The following PSME3IP1 variants were observed in gnomAD, a reference collection of about 807,000 sequenced individuals.
PSME3IP1 encodes proteasome activator subunit 3 interacting protein 1, also known as PSME3-interacting protein.
PSME3IP1 carries 13 observed loss-of-function variants against 34.1 expected under a neutral mutation model. The ratio of observed to expected loss-of-function variants is 0.38; its 90% CI spans 0.25 to 0.61. PSME3IP1 has a LOEUF of 0.61. Among genes scored for constraint, PSME3IP1 ranks in the 20% least tolerant of loss-of-function variants. The pLI, the probability that PSME3IP1 is intolerant of heterozygous loss-of-function variation, is 0.60. For missense variants in PSME3IP1, 237 were observed against 301.4 expected, an observed-to-expected ratio of 0.79 and a Z score of 1.58; for synonymous variants, 93 against 114.3, an observed-to-expected ratio of 0.81 and a Z score of 1.19.
At chr16:57,166,733 G>A (rs1337302841) in intron 5 of PSME3IP1, among the ~76,000 whole-genome samples, 1 of 152,188 alleles carries the variant, frequency 6.6e-6, no homozygotes, top group Non-Finnish European at 1.5e-5. Flanking sequence ...GCACAAAGAA[G>A]GGTCTCAACC....
intron 6 of PSME3IP1, among the ~76,000 whole-genome samples, chr16:57,161,176 T>C (rs970362870): frequency 1.3e-5 from 2 of 152,194 alleles, no homozygotes; most frequent in Non-Finnish European, 2.9e-5. Context: ...AAAATTCATA[T>C]GGAAATTCGA....
intron 3 of PSME3IP1, 56 bp downstream of exon 3, chr16:57,172,720 A>G (rs764360207): frequency 7.7e-7 from 1 of 1,292,006 alleles, no homozygotes; most frequent in East Asian, 2.3e-5. Context: ...ACAAGGCAAA[A>G]GTGCGTCAAA....
Position 57,185,906 on chromosome 16 carries a change from G to GA in PSME3IP1, c.-102dup, listed in dbSNP as rs11383644. On this transcript the variant is annotated 5_prime_UTR_variant, in exon 1 of 7. Coordinates refer to ENST00000309137, the MANE Select transcript of PSME3IP1 (RefSeq NM_024946.4). ...CGCAGAGCCGCTCGCTCTTAAAAAA[G>GA]AAAAAAAAATGAAAGGAAGAAAGAA... 2.3e-3 allele frequency: 2,132 copies of GA among 919,052 alleles called. 30 individuals are homozygous for GA. In the African/African-American group the frequency reaches 0.048, roughly 21 times the overall value. The allele number at this position is 919,052 out of a possible 1,614,324, so 56.9% of individuals were successfully genotyped here. A position where few individuals can be genotyped will look rare whatever the true frequency, so the allele number is the denominator to read the frequency against.
chr16:57,173,396 G>A (rs1215528276), intron 2 of PSME3IP1, among the ~76,000 whole-genome samples: 3 of 152,190 alleles, frequency 2.0e-5, no homozygotes, highest in East Asian at 3.9e-4. Flanking sequence ...TTGGGAGGCC[G>A]AGGCAGGAGG....
chr16:57,156,190 T>C (rs7192041), intron 6 of PSME3IP1, among the ~76,000 whole-genome samples: 4,777 of 152,218 alleles, frequency 0.031, 262 homozygotes, highest in African/African-American at 0.11. Context: ...CTTGGCAAGG[T>C]TGTAGGTTGC....
chr16:57,161,637 C>T (rs966128870), intron 6 of PSME3IP1, among the ~76,000 whole-genome samples: 17 of 151,302 alleles, frequency 1.1e-4, no homozygotes, highest in African/African-American at 3.9e-4. Flanking sequence ...CTCAGCCTCC[C>T]GAGTAGCTGG....
At chr16:57,173,655 G>A in intron 2 of PSME3IP1, 73 bp downstream of exon 2, 3 of 1,545,042 alleles carry the variant, frequency 1.9e-6, no homozygotes, top group Non-Finnish European at 1.8e-6. Flanking sequence ...AAAACCAAGT[G>A]AGGACAATTA....
At chr16:57,173,000 G>T (rs533561720) in intron 2 of PSME3IP1, 126 bp from the exon 3 acceptor site, 86 of 662,300 alleles carry the variant, frequency 1.3e-4, no homozygotes, top group Non-Finnish European at 2.1e-4. Flanking sequence ...TGATCTGAGG[G>T]TGTGGATAAC....
intron 1 of PSME3IP1, among the ~76,000 whole-genome samples, chr16:57,180,931 C>T (rs1351555334): frequency 6.6e-6 from 1 of 151,982 alleles, no homozygotes; most frequent in Non-Finnish European, 1.5e-5. Context: ...TGGTGCACTA[C>T]TTAGGAGGCT....
chr16:57,166,678 GA>G (rs1460640445), intron 5 of PSME3IP1, among the ~76,000 whole-genome samples: 2 of 152,146 alleles, frequency 1.3e-5, no homozygotes, highest in Admixed American at 1.3e-4. Flanking sequence ...TTTCTAGACA[GA>G]AGCCCAAATA....
At chr16:57,172,467 G>T in intron 3 of PSME3IP1, 95 bp from the exon 4 acceptor site, 1 of 1,341,380 alleles carries the variant, frequency 7.5e-7, no homozygotes, top group Non-Finnish European at 1.0e-6. Context: ...GATTCTTCAG[G>T]GGATTAAAAA....
chr16:57,164,857 C>T (rs528597781), intron 5 of PSME3IP1, among the ~76,000 whole-genome samples: 24 of 152,084 alleles, frequency 1.6e-4, no homozygotes, highest in Admixed American at 6.5e-4. Flanking sequence ...CATGGTGAAA[C>T]CCTGTCTCTA....
chr16:57,171,533 G>A (rs543530694), intron 4 of PSME3IP1, among the ~76,000 whole-genome samples: 2 of 152,288 alleles, frequency 1.3e-5, no homozygotes, highest in East Asian at 3.9e-4. Context: ...GATGGTCACA[G>A]GAGTCGAGAA....
intron 4 of PSME3IP1, among the ~76,000 whole-genome samples, chr16:57,171,117 G>A (rs541778596): frequency 6.6e-6 from 1 of 152,244 alleles, no homozygotes; most frequent in African/African-American, 2.4e-5. Context: ...TAGGTGGGGT[G>A]CTTAGGGAAG....
chr16:57,170,544 C>T (rs1332318576), intron 4 of PSME3IP1, among the ~76,000 whole-genome samples: 3 of 152,206 alleles, frequency 2.0e-5, no homozygotes, highest in African/African-American at 7.2e-5. Context: ...AAATAAGCTT[C>T]CTCACATGAA....
chr16:57,178,390 C>G (rs2073391930), intron 1 of PSME3IP1: 1 of 211,884 alleles, frequency 4.7e-6, no homozygotes, highest in African/African-American at 2.3e-5. Context: ...TCTACTACAG[C>G]CCTTATTCTT....
intron 1 of PSME3IP1, among the ~76,000 whole-genome samples, chr16:57,184,893 CTG>C (rs1208044699): frequency 6.6e-6 from 1 of 152,244 alleles, no homozygotes; most frequent in Non-Finnish European, 1.5e-5. Flanking sequence ...AACTAAAAGA[CTG>C]TAAAAGCTGC....
Position 57,167,099 on chromosome 16 carries a change from T to G in PSME3IP1, c.476A>C (p.His159Pro), listed in dbSNP as rs1483572383. Residue 159 changes from histidine to proline, a missense_variant, in exon 5 of 7, where the codon CAT (histidine) becomes CCT (proline). Physicochemically the swap from His to Pro is moderately conservative, Grantham distance 77 (BLOSUM62 -2). Transcript: ENST00000309137. ...TGTGTGAGTGCTGACTAACCTCTTA[T>G]GCTTCACAGCTCCTGCCAACAGCTT... ...QAKLLAGAVK[H>P]KSSESGNSVK... The G allele has an allele frequency of 1.2e-6, 2 of 1,613,458 alleles. No individual in the cohort carries two copies. The highest frequency in any genetic ancestry group is 1.7e-6 in the Non-Finnish European group (2 of 1,180,044).
At chr16:57,174,272 C>G (rs1278905949) in intron 1 of PSME3IP1, 1 of 252,872 alleles carries the variant, frequency 4.0e-6, no homozygotes, top group Non-Finnish European at 6.2e-6. Flanking sequence ...CCAGCTTGAG[C>G]GACAGGGCAA....
Sources: allele counts gnomAD v4.1 joint callset (sites outside exome capture counted in the v4.1 genomes callset), GRCh38; gene constraint gnomAD v4.1.1; transcripts MANE v1.5; gene names NCBI Gene and HGNC (gene_info 2026-07-23, HGNC 2026-07-21).